The following RAB3IL1 variants were observed in gnomAD, a reference collection of about 807,000 sequenced individuals.
RAB3IL1 encodes RAB3A interacting protein like 1, also known as guanine nucleotide exchange factor for Rab-3A.
In RAB3IL1, 37 loss-of-function variants were observed where a neutral mutation model predicts 49.2. The ratio of observed to expected loss-of-function variants is 0.75; its 90% confidence interval spans 0.58 to 0.99. The LOEUF (loss-of-function observed/expected upper bound fraction) is 0.99. RAB3IL1 is among the 50% of genes least tolerant of loss of function. The pLI is 0.00. For synonymous variants in RAB3IL1, 193 were observed against 213.9 expected, an observed-to-expected ratio of 0.90 and a Z score of 0.85; for missense variants, 484 against 513.0, an observed-to-expected ratio of 0.94 and a Z score of 0.55.
chr11:61,919,372 T>C (rs1939835732), upstream of RAB3IL1, among the ~76,000 whole-genome samples: 1 of 152,210 alleles, frequency 6.6e-6, no homozygotes. Context: ...CTGTCATCCA[T>C]GCTTCCTGCT....
At chr11:61,922,750 T>C (rs1009596240), upstream of RAB3IL1, among the ~76,000 whole-genome samples, 1 of 152,156 alleles carries the variant, frequency 6.6e-6, no homozygotes, top group African/African-American at 2.4e-5. Context: ...ACTTGGGCTT[T>C]GGGCTGCGAA....
intron 1 of RAB3IL1, 30 bp from the exon 2 acceptor site, chr11:61,908,336 C>A: frequency 6.9e-7 from 1 of 1,439,438 alleles, no homozygotes; most frequent in Non-Finnish European, 9.1e-7. Context: ...TCAGCAGGTT[C>A]AGGGTGGGGT....
rs1213454360 is a variant in RAB3IL1, at chr11:61,906,663, C to T, written c.460G>A (p.Val154Met). 6.2e-7 allele frequency: 1 copy of T among 1,610,066 alleles called. No homozygotes were observed. Among genetic ancestry groups the T allele is most frequent in the Non-Finnish European group, 8.5e-7 (1 of 1,178,616 alleles). The change falls in exon 5 of 10, where the codon GTG (valine) becomes ATG (methionine). Residue 154 changes from valine (V) to methionine (M), a missense_variant. Val to Met is a conservative substitution (Grantham distance 21). Coordinates refer to ENST00000394836, the MANE Select transcript of RAB3IL1 (RefSeq NM_013401.4). This position sits in a 1 kb window ranked among gnomAD's most constrained non-coding sequence, Gnocchi z 4.6. ...ATGACCAGCGTCTTCAAGGCTGTCA[C>T]CTCTGCCTGCAGCATGTCGATCTGC... ...RGKIDMLQAE[V>M]TALKTLVITS...
At chr11:61,916,256 G>C (rs570038471) in intron 1 of RAB3IL1, among the ~76,000 whole-genome samples, 1 of 151,708 alleles carries the variant, frequency 6.6e-6, no homozygotes, top group Admixed American at 6.6e-5. Context: ...TGAGTCAGGC[G>C]AATTGCTTGT....
rs1432684390 is a variant in RAB3IL1 at position 61,917,562 on chromosome 11, G to T, written c.-195C>A. 1.1e-4 allele frequency: 119 copies of T among 1,092,604 alleles called. 1 individual carries two copies. The East Asian group carries it at 7.2e-3, about 66-fold the overall frequency. The allele number at this position is 1,092,604 out of a possible 1,614,324, so 67.7% of individuals were successfully genotyped here. ...CCAGCCCCGACCCTGCCCTGGGCGG[G>T]TCACGTGGCGGAGGGGGGAGCGGCC... On this transcript the variant is annotated 5_prime_UTR_variant, in exon 1 of 10. Coordinates refer to ENST00000394836, the MANE Select transcript of RAB3IL1 (RefSeq NM_013401.4).
intron 1 of RAB3IL1, among the ~76,000 whole-genome samples, chr11:61,910,877 CAA>C (rs1298217362): frequency 1.3e-5 from 2 of 152,236 alleles, no homozygotes; most frequent in African/African-American, 4.8e-5. Flanking sequence ...AGGCCAAGGG[CAA>C]GAGGTGACAG....
the RAB3IL1 span, among the ~76,000 whole-genome samples, chr11:61,940,629 G>C: frequency 2.0e-5 from 3 of 150,062 alleles, no homozygotes; most frequent in Non-Finnish European, 3.0e-5. Context: ...TCTACAAAAA[G>C]TTTAAAAGTT....
chr11:61,916,833 G>A (rs1565368439), intron 1 of RAB3IL1, among the ~76,000 whole-genome samples: 1 of 152,122 alleles, frequency 6.6e-6, no homozygotes, highest in Non-Finnish European at 1.5e-5. Flanking sequence ...CCAGGCTGCG[G>A]GGCCGGGGCG....
At position 61,898,116 on chromosome 11, in the gene RAB3IL1, G is replaced by A. The variant is rs1938704894; in HGVS notation, c.*162C>T. The A allele has an allele frequency of 5.9e-6, 4 of 681,442 alleles. No homozygotes were observed. The African/African-American group carries it at 7.1e-5, about 12-fold the overall frequency. 42.2% of individuals were successfully genotyped at this position (681,442 alleles called of 1,614,324 possible). ...GTCCAGGCCCGTCTGTCCCAGGATGGACGTGTGGTGCTGGCTCAGTGCTGC... is the reference window on the plus strand; with the variant it reads ...GTCCAGGCCCGTCTGTCCCAGGATGAACGTGTGGTGCTGGCTCAGTGCTGC... On this transcript the variant is annotated 3_prime_UTR_variant, in exon 10 of 10. Transcript: ENST00000394836. This position sits in a 1 kb window ranked among gnomAD's most constrained non-coding sequence, Gnocchi z 5.1.
At position 61,908,284 on chromosome 11, in the gene RAB3IL1, G is replaced by A. The variant is rs769014471; in HGVS notation, c.34C>T (p.Leu12Phe). ...WSGPPQPDQG[L>F]PPPLAAVPVP... Reference sequence around the variant, plus strand: ...GGGACAGCTGCAAGGGGCGGCGGGAGGCCCTGGTCTGGCTGGGGTGGGCTG... The same window carrying A: ...GGGACAGCTGCAAGGGGCGGCGGGAAGCCCTGGTCTGGCTGGGGTGGGCTG... Residue 12 changes from leucine (L) to phenylalanine (F), a missense_variant, in exon 2 of 10, where the codon CTC becomes TTC. Transcript: ENST00000394836. 3 of 1,492,068 alleles carry A rather than the reference G, an allele frequency of 2.0e-6. No homozygotes were observed. Among genetic ancestry groups the A allele is most frequent in the Non-Finnish European group, 1.8e-6 (2 of 1,123,472 alleles). 92.4% of individuals were successfully genotyped at this position (1,492,068 alleles called of 1,614,324 possible).
chr11:61,941,662 G>A, the RAB3IL1 span, among the ~76,000 whole-genome samples: 6 of 152,172 alleles, frequency 3.9e-5, no homozygotes, highest in African/African-American at 7.2e-5. Context: ...TGAGGCAGGA[G>A]AATGGCGTGA....
Position 61,906,194 on chromosome 11 carries a change from G to A in RAB3IL1, c.657+272C>T, listed in dbSNP as rs531793590. Among the ~76,000 whole-genome samples, 1 of 152,292 alleles carries A rather than the reference G, an allele frequency of 6.6e-6. No individual in the cohort carries two copies. Among genetic ancestry groups the A allele is most frequent in the African/African-American group, 2.4e-5 (1 of 41,554 alleles). On this transcript the variant is annotated intron_variant, in intron 5 of 9. Transcript: ENST00000394836. The surrounding 1 kb of genome is among the most constrained non-coding windows in gnomAD (Gnocchi z 4.6). ...TCCTCAGGGCCAAAGCCAGCCTCAGGTGCAGAGACCACTACCTACTGCTTG... is the reference window on the plus strand; with the variant it reads ...TCCTCAGGGCCAAAGCCAGCCTCAGATGCAGAGACCACTACCTACTGCTTG...
At chr11:61,945,893 G>A in the RAB3IL1 span, 3 of 859,746 alleles carry the variant, frequency 3.5e-6, no homozygotes, top group Non-Finnish European at 4.2e-6. Context: ...GTCATGGGCA[G>A]GACTGGGTTT....
the RAB3IL1 span, among the ~76,000 whole-genome samples, chr11:61,941,951 C>T: frequency 6.6e-6 from 1 of 152,084 alleles, no homozygotes; most frequent in African/African-American, 2.4e-5. Context: ...TGGCTCATGC[C>T]TATAATCTTA....
the RAB3IL1 span, among the ~76,000 whole-genome samples, chr11:61,928,987 G>A: frequency 6.6e-6 from 1 of 151,848 alleles, no homozygotes; most frequent in Admixed American, 6.6e-5. Context: ...TAAAGAAAAA[G>A]AACACACACA....
rs1352847884 is a variant in RAB3IL1 at position 61,904,669 on chromosome 11, C to T, written c.787-11G>A. The T allele has an allele frequency of 6.2e-7, 1 of 1,607,382 alleles. No individual in the cohort carries two copies. Among genetic ancestry groups the T allele is most frequent in the East Asian group, 2.2e-5 (1 of 44,758 alleles). ...TACCAGCACCGAGAGCTGTGGCAGA[C>T]CAGGGAGGCAGGCAGGGTGGTAAGG... On this transcript the variant is annotated splice_polypyrimidine_tract_variant and intron_variant, in intron 6 of 9. Coordinates refer to ENST00000394836, the MANE Select transcript of RAB3IL1 (RefSeq NM_013401.4).
At chr11:61,916,895 A>T (rs968040262) in intron 1 of RAB3IL1, among the ~76,000 whole-genome samples, 8 of 151,788 alleles carry the variant, frequency 5.3e-5, no homozygotes, top group African/African-American at 1.7e-4. Flanking sequence ...CCAGAGCCCC[A>T]CAAGGAGGTT....
chr11:61,915,873 T>C (rs1939659038), intron 1 of RAB3IL1, among the ~76,000 whole-genome samples: 1 of 151,218 alleles, frequency 6.6e-6, no homozygotes, highest in Non-Finnish European at 1.5e-5. Context: ...CTGTCTCTAC[T>C]AAAAACACAA....
chr11:61,917,397 TTCCCAGCGCCGCCGCGTCC>T lies in RAB3IL1; in HGVS notation c.-49_-31del, dbSNP rs1048301981. On this transcript the variant is annotated 5_prime_UTR_variant, in exon 1 of 10. Transcript: ENST00000394836. ...GCGCCTCGGGGCGCCCAGGCGTCCG[TTCCCAGCGCCGCCGCGTCC>T]TCCCAGCGCCGCGTCCCCGCCCGCC... 3.7e-5 allele frequency: 45 copies of T among 1,227,362 alleles called. No individual in the cohort carries two copies. The African/African-American group carries it at 5.7e-4, about 15-fold the overall frequency. 76.0% of individuals were successfully genotyped at this position (1,227,362 alleles called of 1,614,324 possible). A position where few individuals can be genotyped will look rare whatever the true frequency, so the allele number is the denominator to read the frequency against.
Sources: allele counts gnomAD v4.1 joint callset (sites outside exome capture counted in the v4.1 genomes callset), GRCh38; gene constraint gnomAD v4.1.1; non-coding constraint Gnocchi (gnomAD v3.1); transcripts MANE v1.5; gene names NCBI Gene and HGNC (gene_info 2026-07-23, HGNC 2026-07-21).